Variants in MRPS9 observed in about 807,000 individuals in gnomAD.
MRPS9 encodes the protein mitochondrial ribosomal protein S9.
Under a neutral mutation model 59.9 loss-of-function variants are expected in MRPS9, and 45 were observed. The ratio of observed to expected loss-of-function variants is 0.75; its 90% CI spans 0.59 to 0.96. MRPS9 has a LOEUF of 0.96. Among genes scored for constraint, MRPS9 ranks in the 40% least tolerant of loss-of-function variants. The pLI, the probability that MRPS9 is intolerant of heterozygous loss-of-function variation, is 0.00. For synonymous variants in MRPS9, 171 were observed against 166.8 expected (o/e 1.03, Z -0.19); for missense variants, 473 against 481.1 (o/e 0.98, Z 0.16).
intron 1 of MRPS9, among the ~76,000 whole-genome samples, chr2:105,042,014 A>G (rs1289947903): frequency 6.6e-6 from 1 of 152,242 alleles, no homozygotes; most frequent in Non-Finnish European, 1.5e-5. Context: ...ACTTTCTTGT[A>G]CAATGCTTCA....
chr2:105,038,358 T>G (rs1573410344), intron 1 of MRPS9, 131 bp downstream of exon 1: 1 of 1,254,548 alleles, frequency 8.0e-7, no homozygotes, highest in Non-Finnish European at 1.1e-6. Context: ...TTAGTGGAGG[T>G]CTGAGGTTGG....
intron 5 of MRPS9, among the ~76,000 whole-genome samples, chr2:105,083,355 C>G (rs1193434773): frequency 6.6e-6 from 1 of 152,094 alleles, no homozygotes; most frequent in Non-Finnish European, 1.5e-5. Flanking sequence ...GTAAACCCCA[C>G]CAGGGTTACC....
At chr2:105,069,214 CTTTT>C (rs11334093) in intron 2 of MRPS9, among the ~76,000 whole-genome samples, 8 of 117,698 alleles carry the variant, frequency 6.8e-5, no homozygotes, top group Admixed American at 8.4e-5. Context: ...ATTGGTCAAT[CTTTT>C]TTTTTTTTTT....
rs535564354 is a variant in MRPS9, at chr2:105,075,320, C to T, written c.409+3831C>T. ...TACTGCGAAACACCCACTCTGGTCC[C>T]AGTTGACCAGTCATGACAGCAAATA... On this transcript the variant is annotated intron_variant, in intron 4 of 10. Transcript: ENST00000258455. Among the ~76,000 whole-genome samples the T allele has an allele frequency of 3.3e-5, 5 of 152,204 alleles. No individual in the cohort carries two copies. The South Asian group carries it at 8.3e-4, about 25-fold the overall frequency.
chr2:105,046,643 A>G (rs1242320937), intron 1 of MRPS9, among the ~76,000 whole-genome samples: 1 of 149,644 alleles, frequency 6.7e-6, no homozygotes, highest in Non-Finnish European at 1.5e-5. Context: ...CCTTCAGTGA[A>G]AGGAGCCATA....
intron 9 of MRPS9, among the ~76,000 whole-genome samples, chr2:105,095,826 T>C (rs1680649871): frequency 6.6e-6 from 1 of 151,912 alleles, no homozygotes; most frequent in East Asian, 1.9e-4. Context: ...ACTTTTTTTT[T>C]TTAAGAGACA....
chr2:105,050,813 A>G (rs558849218), intron 2 of MRPS9, among the ~76,000 whole-genome samples: 4 of 152,186 alleles, frequency 2.6e-5, no homozygotes, highest in African/African-American at 9.6e-5. Context: ...AAGTTTGCCT[A>G]CCCCGGACTT....
intron 4 of MRPS9, among the ~76,000 whole-genome samples, chr2:105,076,318 C>T (rs1282084901): frequency 6.6e-6 from 1 of 152,190 alleles, no homozygotes; most frequent in Non-Finnish European, 1.5e-5. Context: ...GCCACATCTA[C>T]ACACAAAGAA....
At chr2:105,052,610 A>G (rs568801103) in intron 2 of MRPS9, among the ~76,000 whole-genome samples, 1 of 152,220 alleles carries the variant, frequency 6.6e-6, no homozygotes, top group East Asian at 1.9e-4. Context: ...TGGTTTTGAT[A>G]TTGGTAATAC....
chr2:105,058,150 C>T (rs922996666), intron 2 of MRPS9, among the ~76,000 whole-genome samples: 6 of 152,148 alleles, frequency 3.9e-5, no homozygotes, highest in African/African-American at 7.2e-5. Context: ...TGAACAGAGT[C>T]GTTAGGACAG....
chr2:105,050,826 A>C (rs577389227), intron 2 of MRPS9, among the ~76,000 whole-genome samples: 3 of 152,312 alleles, frequency 2.0e-5, no homozygotes, highest in African/African-American at 7.2e-5. Context: ...CCGGACTTTC[A>C]TATAAGTAGA....
At chr2:105,074,678 G>A (rs529248039) in intron 4 of MRPS9, among the ~76,000 whole-genome samples, 1 of 152,198 alleles carries the variant, frequency 6.6e-6, no homozygotes, top group South Asian at 2.1e-4. Context: ...AAATAGTTGA[G>A]CCAGAATGTA....
Position 105,049,331 on chromosome 2 carries a change from T to C in MRPS9, c.296T>C (p.Phe99Ser), listed in dbSNP as rs778919385. The C allele has an allele frequency of 6.2e-7, 1 of 1,611,182 alleles. No homozygotes were observed. Among genetic ancestry groups the C allele is most frequent in the Non-Finnish European group, 8.5e-7 (1 of 1,179,258 alleles). Residue 99 changes from phenylalanine (F) to serine (S), a missense_variant, in exon 2 of 11, where the codon TTC becomes TCC. Physicochemically the swap from Phe to Ser is radical, Grantham distance 155. Transcript: ENST00000258455. Reference sequence around the variant, plus strand: ...ATGATGGGAGAAGATCCAGAAACTTTCACTCAAGAAGATATTGACGTAAGT... The same window carrying C: ...ATGATGGGAGAAGATCCAGAAACTTCCACTCAAGAAGATATTGACGTAAGT... ...ANMMGEDPET[F>S]TQEDIDRAIA...
intron 4 of MRPS9, among the ~76,000 whole-genome samples, chr2:105,072,477 T>C (rs1414229698): frequency 6.6e-6 from 1 of 152,238 alleles, no homozygotes; most frequent in Non-Finnish European, 1.5e-5. Context: ...GTAGCAACTT[T>C]TATGTTTGCA....
At chr2:105,058,482 A>G (rs1679833351) in intron 2 of MRPS9, among the ~76,000 whole-genome samples, 1 of 152,214 alleles carries the variant, frequency 6.6e-6, no homozygotes, top group South Asian at 2.1e-4. Context: ...ATTTTAGGGA[A>G]CTGTTGAATA....
chr2:105,063,525 C>T (rs1381859692), intron 2 of MRPS9, among the ~76,000 whole-genome samples: 1 of 152,154 alleles, frequency 6.6e-6, no homozygotes, highest in South Asian at 2.1e-4. Flanking sequence ...CCTGGATTAA[C>T]TTCTTAACAT....
At chr2:105,068,454 T>C (rs905783384) in intron 2 of MRPS9, among the ~76,000 whole-genome samples, 3 of 152,206 alleles carry the variant, frequency 2.0e-5, no homozygotes, top group African/African-American at 7.2e-5. Context: ...TTTGCAATTA[T>C]TTTGTTGTTG....
intron 5 of MRPS9, among the ~76,000 whole-genome samples, chr2:105,080,737 A>AT (rs1381426232): frequency 1.3e-5 from 2 of 152,276 alleles, no homozygotes; most frequent in East Asian, 1.9e-4. Context: ...TCATTATATG[A>AT]TTTTTTAAAG....
chr2:105,096,998 T>G (rs1033317853), intron 9 of MRPS9, 157 bp from the exon 10 acceptor site: 6 of 664,824 alleles, frequency 9.0e-6, no homozygotes, highest in Admixed American at 8.5e-5. Context: ...AATGTTAGTG[T>G]TTCTATATCT....
Sources: allele counts gnomAD v4.1 joint callset (sites outside exome capture counted in the v4.1 genomes callset), GRCh38; gene constraint gnomAD v4.1.1; transcripts MANE v1.5; gene names NCBI Gene and HGNC (gene_info 2026-07-23, HGNC 2026-07-21).